ANKRD33B: variants seen among roughly 807,000 people sequenced by gnomAD.
The protein encoded by ANKRD33B is ankyrin repeat domain-containing protein 33B.
Under a neutral mutation model 21.5 loss-of-function variants are expected in ANKRD33B, and 6 were observed. The observed-to-expected ratio is 0.28, with a 90% confidence interval of 0.15 to 0.55. The LOEUF (loss-of-function observed/expected upper bound fraction) is 0.55, where lower values mean the gene tolerates loss of function less well. Ranked by LOEUF, ANKRD33B falls within the 20% of genes least tolerant of loss-of-function variation. The pLI, the probability that ANKRD33B is intolerant of heterozygous loss-of-function variation, is 0.94. For synonymous variants in ANKRD33B, 347 were observed against 342.4 expected (o/e 1.01, Z -0.15); for missense variants, 698 against 747.2 (o/e 0.93, Z 0.77).
rs528832054 is a variant in ANKRD33B at position 10,607,759 on chromosome 5, C to G, written c.367-10574C>G. 4.6e-5 allele frequency among the ~76,000 whole-genome samples: 7 copies of G among 152,314 alleles called. No individual in the cohort carries two copies. In the East Asian group the frequency reaches 1.4e-3, roughly 29 times the overall value. ...CATTTTTGAGGAATACTGAAGTCTA[C>G]TTGGGACAGTGAAACACACTGGACG... On this transcript the variant is annotated intron_variant, in intron 1 of 3. Coordinates refer to ENST00000296657, the MANE Select transcript of ANKRD33B (RefSeq NM_001164440.2).
intron 2 of ANKRD33B, among the ~76,000 whole-genome samples, chr5:10,633,881 T>C (rs776998595): frequency 2.0e-5 from 3 of 152,142 alleles, no homozygotes. Flanking sequence ...GCTGAGGTCA[T>C]GTTAGCAGAT....
chr5:10,632,558 G>C (rs985956666), intron 2 of ANKRD33B, among the ~76,000 whole-genome samples: 202 of 152,216 alleles, frequency 1.3e-3, no homozygotes, highest in African/African-American at 4.5e-3. Context: ...GGAGCTCTCT[G>C]AATCAAGCAC....
At chr5:10,615,185 C>G (rs895662805) in intron 1 of ANKRD33B, among the ~76,000 whole-genome samples, 1 of 152,104 alleles carries the variant, frequency 6.6e-6, no homozygotes, top group Non-Finnish European at 1.5e-5. Flanking sequence ...TAACCTGAGC[C>G]CTTTAAGTGC....
chr5:10,590,257 G>A (rs1735652928), intron 1 of ANKRD33B, among the ~76,000 whole-genome samples: 1 of 152,118 alleles, frequency 6.6e-6, no homozygotes, highest in African/African-American at 2.4e-5. Context: ...GTAATTTTTG[G>A]AATGCTAGAC....
intron 1 of ANKRD33B, among the ~76,000 whole-genome samples, chr5:10,567,520 G>A (rs943622495): frequency 1.3e-5 from 2 of 152,142 alleles, no homozygotes; most frequent in African/African-American, 2.4e-5. Flanking sequence ...GACGGTGTCC[G>A]GTCTCCCCGA....
chr5:10,633,378 C>T (rs1560982093), intron 2 of ANKRD33B, among the ~76,000 whole-genome samples: 1 of 152,230 alleles, frequency 6.6e-6, no homozygotes, highest in African/African-American at 2.4e-5. Flanking sequence ...GGATTACAGG[C>T]GTGCGCCACT....
Position 10,596,895 on chromosome 5 carries a change from AC to A in ANKRD33B, c.367-21437del, listed in dbSNP as rs578067677. Reference sequence around the variant, plus strand: ...AGAAGAGATTGGGGGACAATATTCAACATTCTTAAAGAAAAAAAAATTCCAA... The same window carrying A: ...AGAAGAGATTGGGGGACAATATTCAAATTCTTAAAGAAAAAAAAATTCCAA... On this transcript the variant is annotated intron_variant, in intron 1 of 3. Coordinates refer to ENST00000296657, the MANE Select transcript of ANKRD33B (RefSeq NM_001164440.2). Among the ~76,000 whole-genome samples, 192 of 152,286 alleles carry A rather than the reference AC, an allele frequency of 1.3e-3. 1 individual carries two copies. The highest frequency in any genetic ancestry group is 4.5e-3 in the African/African-American group (186 of 41,534).
chr5:10,599,395 T>TAC (rs2126567261), intron 1 of ANKRD33B, among the ~76,000 whole-genome samples: 2 of 152,318 alleles, frequency 1.3e-5, no homozygotes, highest in East Asian at 3.9e-4. Flanking sequence ...GTAACCAGTG[T>TAC]ACAGTTCAGT....
Position 10,604,873 on chromosome 5 carries a change from C to T in ANKRD33B, c.367-13460C>T, listed in dbSNP as rs573600249. Among the ~76,000 whole-genome samples, 12 of 152,284 alleles carry T rather than the reference C, an allele frequency of 7.9e-5. No homozygotes were observed. In the South Asian group the frequency reaches 2.5e-3, roughly 32 times the overall value. On this transcript the variant is annotated intron_variant, in intron 1 of 3. Transcript: ENST00000296657. ...GTATTATCTAATGCTACATGCATCACCCCAAAACACAGTGGCTTTAAATAA... is the reference window on the plus strand; with the variant it reads ...GTATTATCTAATGCTACATGCATCATCCCAAAACACAGTGGCTTTAAATAA...
intron 3 of ANKRD33B, among the ~76,000 whole-genome samples, chr5:10,641,801 TAAA>T (rs112089497): frequency 0.43 from 63,450 of 148,840 alleles, 13,535 homozygotes; most frequent in Middle Eastern, 0.57. Flanking sequence ...TTCTTGGAAA[TAAA>T]AAAAAAAACA....
rs1164789175 is a variant in ANKRD33B, at chr5:10,570,475, A to AG, written c.366+5644dup. 5.3e-5 allele frequency among the ~76,000 whole-genome samples: 8 copies of AG among 151,216 alleles called. No homozygotes were observed. The East Asian group carries it at 1.4e-3, about 26-fold the overall frequency. ...GGCAGGGGCAGGGTTCCAGGAGAGC[A>AG]GGCTGAGCAAATATGGCCTCATGAT... On this transcript the variant is annotated intron_variant, in intron 1 of 3. Coordinates refer to ENST00000296657, the MANE Select transcript of ANKRD33B (RefSeq NM_001164440.2).
At chr5:10,567,401 G>A (rs1735086492) in intron 1 of ANKRD33B, among the ~76,000 whole-genome samples, 1 of 152,242 alleles carries the variant, frequency 6.6e-6, no homozygotes, top group Non-Finnish European at 1.5e-5. Flanking sequence ...ACTGAATCTG[G>A]CAGTCCCTGC....
At chr5:10,637,521 G>C (rs1736899232) in intron 2 of ANKRD33B, among the ~76,000 whole-genome samples, 2 of 121,656 alleles carry the variant, frequency 1.6e-5, no homozygotes. Context: ...CCTGCTTCTG[G>C]GTGGGAACAG....
chr5:10,633,618 C>T (rs781166997), intron 2 of ANKRD33B, among the ~76,000 whole-genome samples: 9 of 152,326 alleles, frequency 5.9e-5, no homozygotes, highest in African/African-American at 1.4e-4. Flanking sequence ...CAGCGTTTCC[C>T]GGATTTCCTT....
At chr5:10,582,401 A>G (rs530942914) in intron 1 of ANKRD33B, among the ~76,000 whole-genome samples, 1 of 151,620 alleles carries the variant, frequency 6.6e-6, no homozygotes, top group Non-Finnish European at 1.5e-5. Context: ...AGCGGGGGGG[A>G]TGTCCACCAT....
At chr5:10,572,259 A>AC (rs2126545224) in intron 1 of ANKRD33B, among the ~76,000 whole-genome samples, 1 of 152,310 alleles carries the variant, frequency 6.6e-6, no homozygotes, top group African/African-American at 2.4e-5. Flanking sequence ...TCACTGGTGC[A>AC]GACTCTTGAA....
intron 1 of ANKRD33B, among the ~76,000 whole-genome samples, chr5:10,572,555 C>G (rs951890880): frequency 8.5e-5 from 13 of 152,328 alleles, no homozygotes; most frequent in African/African-American, 2.9e-4. Context: ...AGCCAGGAGG[C>G]AGTTCCGGTG....
Position 10,576,766 on chromosome 5 carries a change from AAAG to A in ANKRD33B, c.366+11938_366+11940del, listed in dbSNP as rs779961482. Among the ~76,000 whole-genome samples, 7 of 152,226 alleles carry A rather than the reference AAAG, an allele frequency of 4.6e-5. No homozygotes were observed. The highest frequency in any genetic ancestry group is 8.8e-5 in the Non-Finnish European group (6 of 68,042). The stretch of plus-strand genomic sequence containing the variant: ...TGGAAGCAAATTGAATGTTTAACCA[AAAG>A]AAGAGTAGTTAAGAAAATAGCACAT... On this transcript the variant is annotated intron_variant, in intron 1 of 3. Coordinates refer to ENST00000296657, the MANE Select transcript of ANKRD33B (RefSeq NM_001164440.2). This position sits in a 1 kb window ranked among gnomAD's most constrained non-coding sequence, Gnocchi z 4.1.
intron 1 of ANKRD33B, among the ~76,000 whole-genome samples, chr5:10,607,126 C>T (rs530590166): frequency 1.3e-5 from 2 of 152,244 alleles, no homozygotes; most frequent in South Asian, 4.1e-4. Context: ...AGTAGGCAAC[C>T]TGACACATGA....
Sources: allele counts gnomAD v4.1 joint callset (sites outside exome capture counted in the v4.1 genomes callset), GRCh38; gene constraint gnomAD v4.1.1; non-coding constraint Gnocchi (gnomAD v3.1); transcripts MANE v1.5; gene names NCBI Gene and HGNC (gene_info 2026-07-23, HGNC 2026-07-21).